Variants in CNBD1 observed in about 807,000 individuals in gnomAD.
CNBD1 encodes the protein cyclic nucleotide binding domain containing 1.
In CNBD1, 71 loss-of-function variants were observed where a neutral mutation model predicts 54.4. The observed-to-expected ratio is 1.30, with a 90% CI of 1.08 to 1.59. The LOEUF (loss-of-function observed/expected upper bound fraction) is 1.59. CNBD1 is among the 40% of genes most tolerant of loss of function. The probability of loss-of-function intolerance (pLI) is 0.00; values close to 1 mark genes in which losing one functional copy is unlikely to be tolerated. For synonymous variants in CNBD1, 182 were observed against 170.7 expected (o/e 1.07, Z -0.51); for missense variants, 659 against 518.0 (o/e 1.27, Z -2.64).
At chr8:87,132,352 A>C (rs975838723) in intron 4 of CNBD1, among the ~76,000 whole-genome samples, 21 of 151,856 alleles carry the variant, frequency 1.4e-4, no homozygotes, top group African/African-American at 4.6e-4. Context: ...ATGTGTGTCT[A>C]GAAAGCCTTG....
chr8:87,227,125 C>T (rs1303701220), intron 5 of CNBD1, among the ~76,000 whole-genome samples: 5 of 152,086 alleles, frequency 3.3e-5, no homozygotes, highest in Admixed American at 1.3e-4. Context: ...ATTTTGAGCC[C>T]ATGTGTGTCT....
At chr8:87,213,564 A>G (rs1272183403) in intron 5 of CNBD1, among the ~76,000 whole-genome samples, 2 of 152,148 alleles carry the variant, frequency 1.3e-5, no homozygotes, top group Non-Finnish European at 2.9e-5. Context: ...CACTACCATG[A>G]CAACAGTATG....
At chr8:87,189,407 C>T (rs977823620) in intron 4 of CNBD1, among the ~76,000 whole-genome samples, 3 of 152,066 alleles carry the variant, frequency 2.0e-5, no homozygotes, top group Non-Finnish European at 4.4e-5. Flanking sequence ...GTGCAGTTGG[C>T]AGACAAGCCT....
At chr8:87,424,408 C>T (rs1354861606) in intron 2 of CNBD1, among the ~76,000 whole-genome samples, 2 of 152,068 alleles carry the variant, frequency 1.3e-5, no homozygotes, top group Admixed American at 1.3e-4. Flanking sequence ...CTCTTGTGGG[C>T]ATTTAGTGCT....
chr8:87,371,460 A>G (rs1586055910), intron 10 of CNBD1, among the ~76,000 whole-genome samples: 1 of 151,868 alleles, frequency 6.6e-6, no homozygotes, highest in Admixed American at 6.6e-5. Context: ...TGTAATTTGG[A>G]TTCCTAAGTA....
chr8:87,115,115 C>A (rs527556140), intron 4 of CNBD1, among the ~76,000 whole-genome samples: 1 of 152,270 alleles, frequency 6.6e-6, no homozygotes, highest in Non-Finnish European at 1.5e-5. Context: ...AGATGATATG[C>A]AACAGCTAAT....
intron 10 of CNBD1, among the ~76,000 whole-genome samples, chr8:87,366,911 G>A (rs991965239): frequency 4.6e-5 from 7 of 152,018 alleles, no homozygotes; most frequent in African/African-American, 1.7e-4. Context: ...TTCAAGCTAA[G>A]CCTTTCTAGT....
intron 4 of CNBD1, among the ~76,000 whole-genome samples, chr8:87,048,484 T>C (rs1810247312): frequency 6.6e-6 from 1 of 152,136 alleles, no homozygotes; most frequent in Admixed American, 6.5e-5. Context: ...GTTTTTTCTA[T>C]TTTTCATAAA....
chr8:87,164,662 T>A (rs756052910), intron 4 of CNBD1, among the ~76,000 whole-genome samples: 1 of 151,756 alleles, frequency 6.6e-6, no homozygotes, highest in Admixed American at 6.6e-5. Context: ...TTTATAATTT[T>A]ATTTGAATCT....
chr8:86,945,788 T>C (rs1807451001), intron 4 of CNBD1, among the ~76,000 whole-genome samples: 1 of 152,198 alleles, frequency 6.6e-6, no homozygotes, highest in Admixed American at 6.6e-5. Context: ...TTATTTGTGT[T>C]AAAATGAGTT....
chr8:87,185,947 C>T (rs1813466719), intron 4 of CNBD1, among the ~76,000 whole-genome samples: 1 of 152,086 alleles, frequency 6.6e-6, no homozygotes, highest in South Asian at 2.1e-4. Context: ...AATTTTCTCT[C>T]TTCTGTATAC....
intron 5 of CNBD1, among the ~76,000 whole-genome samples, chr8:87,221,736 G>A (rs995839894): frequency 2.0e-5 from 3 of 151,980 alleles, no homozygotes; most frequent in African/African-American, 7.2e-5. Flanking sequence ...ATCAATATTT[G>A]AAGGCTATTT....
At chr8:87,052,006 G>T (rs1297059614) in intron 4 of CNBD1, among the ~76,000 whole-genome samples, 1 of 152,204 alleles carries the variant, frequency 6.6e-6, no homozygotes, top group African/African-American at 2.4e-5. Context: ...CCACAAGCTA[G>T]ATAGGGTCAA....
chr8:87,263,305 T>C (rs953300502), intron 6 of CNBD1, among the ~76,000 whole-genome samples: 1 of 152,188 alleles, frequency 6.6e-6, no homozygotes, highest in Non-Finnish European at 1.5e-5. Context: ...GAAACTTTTT[T>C]CTATTTTTAA....
chr8:87,160,746 C>T (rs1812840520), intron 4 of CNBD1, among the ~76,000 whole-genome samples: 1 of 151,966 alleles, frequency 6.6e-6, no homozygotes, highest in Non-Finnish European at 1.5e-5. Flanking sequence ...TCTTGAAGTA[C>T]ATGAAACTTC....
chr8:87,049,973 A>G (rs140640828), intron 4 of CNBD1, among the ~76,000 whole-genome samples: 1 of 152,192 alleles, frequency 6.6e-6, no homozygotes, highest in African/African-American at 2.4e-5. Context: ...AAAACTCCCA[A>G]GGCTATTTCT....
At chr8:87,372,586 A>G (rs755911190) in intron 10 of CNBD1, among the ~76,000 whole-genome samples, 2 of 151,928 alleles carry the variant, frequency 1.3e-5, no homozygotes, top group Non-Finnish European at 2.9e-5. Context: ...AAAAGAGTCT[A>G]TGCTGTTATA....
intron 4 of CNBD1, among the ~76,000 whole-genome samples, chr8:87,025,676 G>C (rs1359689471): frequency 4.6e-5 from 7 of 152,170 alleles, no homozygotes; most frequent in Admixed American, 4.6e-4. Context: ...CCAGTGGGTG[G>C]AACAGACAAC....
intron 10 of CNBD1, among the ~76,000 whole-genome samples, chr8:87,378,098 T>A (rs1011033444): frequency 6.9e-6 from 1 of 144,926 alleles, no homozygotes; most frequent in Admixed American, 7.0e-5. Flanking sequence ...TCCCATTTTG[T>A]AAGTTGCCTG....
Sources: gnomAD v4.1 joint callset for allele counts (sites outside exome capture counted in the v4.1 genomes callset) on GRCh38, gnomAD v4.1.1 for gene constraint, MANE v1.5 for transcripts, NCBI Gene and HGNC (gene_info 2026-07-23, HGNC 2026-07-21) for gene names.